Variants in MTRR observed in about 807,000 individuals in gnomAD.
The protein encoded by MTRR is methionine synthase reductase.
Under a neutral mutation model 79.2 loss-of-function variants are expected in MTRR, and 63 were observed. The observed-to-expected ratio is 0.80, with a 90% CI of 0.65 to 0.98. MTRR has a LOEUF of 0.98. Ranked by LOEUF, MTRR falls within the 50% of genes least tolerant of loss-of-function variation. The probability of loss-of-function intolerance (pLI) is 0.00; values close to 1 mark genes in which losing one functional copy is unlikely to be tolerated. For missense variants in MTRR, 895 were observed against 839.6 expected (o/e 1.07, Z -0.82); for synonymous variants, 355 against 313.3 (o/e 1.13, Z -1.41).
chr5:7,896,937 G>A lies in MTRR; in HGVS notation c.1750G>A (p.Asp584Asn), dbSNP rs1473313954. ...MWLFFGCRHK[D>N]RDYLFRKELR... ...GTTGTTTTTTGGCTGCAGGCATAAG[G>A]ATAGGGATTATCTATTCAGGTATTG... is the stretch of plus-strand genomic sequence containing the variant. Residue 584 changes from aspartate (D) to asparagine (N), a missense_variant, in exon 13 of 15, where the codon GAT (aspartate) becomes AAT (asparagine). Physicochemically the swap from Asp to Asn is conservative, Grantham distance 23 (BLOSUM62 1). Coordinates refer to ENST00000440940, the MANE Select transcript of MTRR (RefSeq NM_002454.3). 1.5e-5 allele frequency: 25 copies of A among 1,613,972 alleles called. No individual in the cohort carries two copies. The highest frequency in any genetic ancestry group is 1.6e-4 in the Middle Eastern group (1 of 6,084).
chr5:7,859,334 A>G, intron 1 of MTRR: 1 of 638,668 alleles, frequency 1.6e-6, no homozygotes, highest in Non-Finnish European at 2.7e-6. Flanking sequence ...CCAGTCTAGA[A>G]CATATTCTGC....
intron 1 of MTRR, chr5:7,861,717 CAT>C (rs1244423452): frequency 1.3e-6 from 2 of 1,556,968 alleles, no homozygotes; most frequent in Non-Finnish European, 1.7e-6. Context: ...TTCCTGTATT[CAT>C]TCCTTTGCTT....
At chr5:7,896,658 C>T (rs1449833514) in intron 12 of MTRR, 3 of 611,468 alleles carry the variant, frequency 4.9e-6, no homozygotes, top group African/African-American at 1.9e-5. Flanking sequence ...GTAGCTGCCT[C>T]TCCACACACT....
At position 7,886,766 on chromosome 5, in the gene MTRR, AT is replaced by A. The variant is rs1736532538; in HGVS notation, c.1146+65del. On this transcript the variant is annotated intron_variant, in intron 8 of 14. Transcript: ENST00000440940. Reference sequence around the variant, plus strand: ...ATATGCTTAGCTTTATTTAGGATTGATTAAACAAATTTAGAATATGCCCTTT... The same window carrying A: ...ATATGCTTAGCTTTATTTAGGATTGATAAACAAATTTAGAATATGCCCTTT... The A allele has an allele frequency of 2.3e-6, 3 of 1,332,308 alleles. No homozygotes were observed. The Admixed American group carries it at 5.1e-5, about 22-fold the overall frequency. The allele number at this position is 1,332,308 out of a possible 1,614,324, so 82.5% of individuals were successfully genotyped here. A position where few individuals can be genotyped will look rare whatever the true frequency, so the allele number is the denominator to read the frequency against.
chr5:7,870,012 A>C, intron 1 of MTRR: 1 of 985,380 alleles, frequency 1.0e-6, no homozygotes, highest in Non-Finnish European at 1.2e-6. Context: ...CTGCAAATTG[A>C]CAGCCCACCA....
upstream of MTRR, chr5:7,866,064 T>C: frequency 9.7e-7 from 1 of 1,027,764 alleles, no homozygotes; most frequent in Non-Finnish European, 1.5e-6. Flanking sequence ...TCAACATCAA[T>C]TTACACACTC....
rs1735852431 is a variant in MTRR at position 7,883,180 on chromosome 5, C to T, written c.806C>T (p.Ser269Leu). The change falls in exon 6 of 15, where the codon TCA becomes TTA. Residue 269 changes from serine (S) to leucine (L), a missense_variant. Coordinates refer to ENST00000440940, the MANE Select transcript of MTRR (RefSeq NM_002454.3). Reference sequence around the variant, plus strand: ...GAGGAAAGCCAAGTATCTGTGACTTCAGCAGATCCAGTTTTTCAAGTGCCA... The same window carrying T: ...GAGGAAAGCCAAGTATCTGTGACTTTAGCAGATCCAGTTTTTCAAGTGCCA... Reference protein sequence around the residue: ...GQEESQVSVTSADPVFQVPIS... With the variant: ...GQEESQVSVTLADPVFQVPIS... 5 of 1,614,102 alleles carry T rather than the reference C, an allele frequency of 3.1e-6. No homozygotes were observed. In the Admixed American group the frequency reaches 6.7e-5, roughly 22 times the overall value.
At chr5:7,871,238 AG>A (rs36038785) in intron 2 of MTRR, among the ~76,000 whole-genome samples, 3,897 of 152,330 alleles carry the variant, frequency 0.026, 84 homozygotes, top group African/African-American at 0.054. Flanking sequence ...TTGCCTGCTC[AG>A]GTGTGCTTTC....
chr5:7,864,706 T>C (rs1746809501), upstream of MTRR, among the ~76,000 whole-genome samples: 1 of 152,158 alleles, frequency 6.6e-6, no homozygotes, highest in Non-Finnish European at 1.5e-5. Context: ...TTCATGTAGT[T>C]GAGTAACACA....
intron 9 of MTRR, chr5:7,890,212 G>A (rs1386553182): frequency 2.1e-6 from 2 of 968,688 alleles, no homozygotes; most frequent in Non-Finnish European, 2.5e-6. Flanking sequence ...TACAATTAAA[G>A]GCACCCTTCT....
chr5:7,873,432 A>G lies in MTRR; in HGVS notation c.189A>G (p.Gly63=). The change falls in exon 3 of 15, where the codon GGA becomes GGG. Residue 63 remains glycine (G), a synonymous_variant. Coordinates refer to ENST00000440940, the MANE Select transcript of MTRR (RefSeq NM_002454.3). ...LVVVVSTTGT[G]DPPDTARKFV... is the part of the protein sequence containing the mutation. The stretch of plus-strand genomic sequence containing the variant: ...TTGTGGTTTCTACCACGGGCACCGG[A>G]GACCCACCCGACACAGCCCGCAAGT... The G allele has an allele frequency of 6.2e-7, 1 of 1,614,214 alleles. No individual in the cohort carries two copies. The highest frequency in any genetic ancestry group is 8.5e-7 in the Non-Finnish European group (1 of 1,180,038).
At chr5:7,876,195 T>C (rs1365025132) in intron 4 of MTRR, among the ~76,000 whole-genome samples, 1 of 152,158 alleles carries the variant, frequency 6.6e-6, no homozygotes, top group Non-Finnish European at 1.5e-5. Flanking sequence ...CTGTGCCCAC[T>C]TCTTCCGTCT....
intron 1 of MTRR, chr5:7,870,052 A>T: frequency 1.0e-6 from 1 of 985,424 alleles, no homozygotes; most frequent in Non-Finnish European, 1.2e-6. Context: ...TATGGAAAAA[A>T]ATCTGTGAGT....
At chr5:7,891,814 G>C (rs187144512) in intron 10 of MTRR, among the ~76,000 whole-genome samples, 1 of 152,072 alleles carries the variant, frequency 6.6e-6, no homozygotes, top group Non-Finnish European at 1.5e-5. Context: ...AGGCCGAGGC[G>C]GGCGGATCAT....
At position 7,879,388 on chromosome 5, in the gene MTRR, G is replaced by A. The variant is rs748365786; in HGVS notation, c.780+1066G>A. Among the ~76,000 whole-genome samples the A allele has an allele frequency of 6.0e-5, 9 of 150,046 alleles. No homozygotes were observed. The South Asian group carries it at 1.1e-3, about 18-fold the overall frequency. ...TGTTAAGAGTTTATGGGTTTTTTCC[G>A]GGAGGCGGAGGTTGCAGTGAGCCAA... On this transcript the variant is annotated intron_variant, in intron 5 of 14. Transcript: ENST00000440940.
rs1238116731 is a variant in MTRR at position 7,875,258 on chromosome 5, G to A, written c.284G>A (p.Gly95Asp). The A allele has an allele frequency of 6.2e-7, 1 of 1,601,292 alleles. No homozygotes were observed. ...TTAATTATGTATTTGGGTTCTCTAG[G>A]TCTCGGTGATTCAGAATACACCTAC... ...FFAHLRYGLL[G>D]LGDSEYTYFC... The change falls in exon 4 of 15, where the codon GGT (glycine) becomes GAT (aspartate). Residue 95 changes from glycine to aspartate, a missense_variant and splice_region_variant. By Grantham distance (94) the Gly-to-Asp change is moderately conservative. Transcript: ENST00000440940.
intron 5 of MTRR, among the ~76,000 whole-genome samples, chr5:7,882,258 G>C (rs1735710739): frequency 6.6e-6 from 1 of 152,220 alleles, no homozygotes; most frequent in Non-Finnish European, 1.5e-5. Context: ...GACCTTTGTA[G>C]TCTTTGATGA....
intron 5 of MTRR, among the ~76,000 whole-genome samples, chr5:7,878,575 G>A (rs1734975465): frequency 6.6e-6 from 1 of 152,260 alleles, no homozygotes; most frequent in Non-Finnish European, 1.5e-5. Context: ...CAATGCCTAA[G>A]GCATTTGGCC....
In MTRR at chr5:7,889,134, G is replaced by C; in HGVS notation, c.1186G>C (p.Ala396Pro). Residue 396 changes from alanine (A) to proline (P), a missense_variant, in exon 9 of 15, where the codon GCT becomes CCT. By Grantham distance (27) the Ala-to-Pro change is conservative (BLOSUM62 -1). Transcript: ENST00000440940. ...CCTTGTGGACTATACCAGTGACAGT[G>C]CTGAAAAGCGCAGGCTACAGGAGCT... ...RALVDYTSDS[A>P]EKRRLQELCS... 6.2e-7 allele frequency: 1 copy of C among 1,614,118 alleles called. No individual in the cohort carries two copies.
Sources: gnomAD v4.1 joint callset for allele counts (sites outside exome capture counted in the v4.1 genomes callset) on GRCh38, gnomAD v4.1.1 for gene constraint, MANE v1.5 for transcripts, NCBI Gene and HGNC (gene_info 2026-07-23, HGNC 2026-07-21) for gene names.